The following FRMD4A variants were observed in gnomAD, a reference collection of about 807,000 sequenced individuals.
The protein encoded by FRMD4A is FERM domain containing 4A.
FRMD4A carries 29 observed loss-of-function variants against 129.1 expected under a neutral mutation model. That is an observed-to-expected ratio of 0.22 (90% CI 0.17 to 0.31). The LOEUF is 0.31. Ranked by LOEUF, FRMD4A falls within the 10% of genes least tolerant of loss-of-function variation. The pLI, the probability that FRMD4A is intolerant of heterozygous loss-of-function variation, is 1.00. For missense variants in FRMD4A, 1,272 were observed against 1,375.8 expected, an observed-to-expected ratio of 0.92 and a Z score of 1.19; for synonymous variants, 634 against 571.6, an observed-to-expected ratio of 1.11 and a Z score of -1.56.
chr10:13,963,712 C>A (rs148291044), intron 2 of FRMD4A, among the ~76,000 whole-genome samples: 1 of 152,156 alleles, frequency 6.6e-6, no homozygotes, highest in African/African-American at 2.4e-5. Context: ...ACACACAAAG[C>A]GTTCTACGTA....
chr10:13,923,812 T>A (rs947975813), intron 2 of FRMD4A, among the ~76,000 whole-genome samples: 24 of 152,334 alleles, frequency 1.6e-4, no homozygotes, highest in African/African-American at 4.8e-4. Context: ...CAAAGAAGCA[T>A]GGTTGAGTCT....
At chr10:14,282,248 G>A (rs909385942) in intron 2 of FRMD4A, among the ~76,000 whole-genome samples, 1 of 152,130 alleles carries the variant, frequency 6.6e-6, no homozygotes, top group African/African-American at 2.4e-5. Context: ...TGGAGACACA[G>A]CCAAAGCATA....
intron 5 of FRMD4A, among the ~76,000 whole-genome samples, chr10:13,788,828 G>A (rs980971734): frequency 7.9e-5 from 6 of 76,314 alleles, no homozygotes; most frequent in African/African-American, 1.8e-4. Context: ...GGGGAGTCCC[G>A]TCCCCTTCTT....
intron 2 of FRMD4A, among the ~76,000 whole-genome samples, chr10:14,265,037 C>T (rs552906727): frequency 9.2e-5 from 14 of 152,324 alleles, no homozygotes; most frequent in African/African-American, 3.4e-4. Context: ...AAGCCTCGGC[C>T]TCCCAAAGTG....
intron 2 of FRMD4A, among the ~76,000 whole-genome samples, chr10:14,154,073 C>T (rs951694016): frequency 6.6e-6 from 1 of 152,132 alleles, no homozygotes; most frequent in African/African-American, 2.4e-5. Context: ...CTGTCTTAAA[C>T]CATCTGTGTT....
At chr10:14,162,046 A>G (rs1402856631) in intron 2 of FRMD4A, among the ~76,000 whole-genome samples, 1 of 151,096 alleles carries the variant, frequency 6.6e-6, no homozygotes, top group Non-Finnish European at 1.5e-5. Context: ...ATTTATTTAG[A>G]CAAATAAATC....
chr10:13,865,418 A>ATTTTATTTTATT, intron 2 of FRMD4A, among the ~76,000 whole-genome samples: 1 of 110,628 alleles, frequency 9.0e-6, no homozygotes, highest in Non-Finnish European at 1.6e-5. Flanking sequence ...GTTTTATTTT[A>ATTTTATTTTATT]TTTTATTTTA....
intron 2 of FRMD4A, among the ~76,000 whole-genome samples, chr10:14,256,706 G>C (rs1844625693): frequency 6.6e-6 from 1 of 152,100 alleles, no homozygotes; most frequent in South Asian, 2.1e-4. Flanking sequence ...ATGTGGGCTG[G>C]GTGCAGTGGA....
intron 2 of FRMD4A, among the ~76,000 whole-genome samples, chr10:14,028,684 C>A (rs1833092901): frequency 6.6e-6 from 1 of 152,172 alleles, no homozygotes. Flanking sequence ...GTGATTATGA[C>A]ACATTGCACG....
intron 15 of FRMD4A, chr10:13,684,915 C>G: frequency 1.0e-6 from 1 of 983,460 alleles, no homozygotes; most frequent in East Asian, 1.1e-4. Context: ...CCCAGCAGAT[C>G]AGTAAAAGCT....
chr10:14,185,476 AAC>A (rs1564371096), intron 2 of FRMD4A, among the ~76,000 whole-genome samples: 1 of 152,226 alleles, frequency 6.6e-6, no homozygotes, highest in East Asian at 1.9e-4. Context: ...AAAACATTAC[AAC>A]ATTTTGTAAT....
Position 14,178,781 on chromosome 10 carries a change from G to GA in FRMD4A, c.45+151276dup, listed in dbSNP as rs142308883. Among the ~76,000 whole-genome samples, 470 of 147,220 alleles carry GA rather than the reference G, an allele frequency of 3.2e-3. 1 individual carries two copies. The highest frequency in any genetic ancestry group is 0.01 in the African/African-American group (416 of 40,050). On this transcript the variant is annotated intron_variant, in intron 2 of 24. Transcript: ENST00000357447. ...ACCATCTGGGGTTAACCCAAACTTA[G>GA]AAAAAAAAAAGTCAATAAATATCAA...
At chr10:14,304,530 T>C (rs557327236) in intron 2 of FRMD4A, among the ~76,000 whole-genome samples, 4 of 152,326 alleles carry the variant, frequency 2.6e-5, no homozygotes, top group African/African-American at 7.2e-5. Context: ...ATGCTAGTCT[T>C]AGTCCCAATC....
At chr10:13,766,748 G>C (rs1212984142) in intron 6 of FRMD4A, among the ~76,000 whole-genome samples, 2 of 152,022 alleles carry the variant, frequency 1.3e-5, no homozygotes, top group Non-Finnish European at 2.9e-5. Flanking sequence ...CTAGACTTCC[G>C]GCTTACTCTG....
At chr10:13,653,495 A>C (rs1317844455) in intron 23 of FRMD4A, 2 of 152,266 alleles carry the variant, frequency 1.3e-5, no homozygotes, top group African/African-American at 4.8e-5. Context: ...ACTCCGTCTC[A>C]AAAAAAGGCC....
intron 2 of FRMD4A, among the ~76,000 whole-genome samples, chr10:14,033,612 C>G (rs537326386): frequency 6.6e-6 from 1 of 152,144 alleles, no homozygotes; most frequent in Admixed American, 6.5e-5. Flanking sequence ...AGGCGAAACC[C>G]CATCTCTACT....
rs77283101 is a variant in FRMD4A, at chr10:14,246,199, A to G, written c.45+83859T>C. 3.7e-3 allele frequency among the ~76,000 whole-genome samples: 559 copies of G among 152,342 alleles called. 14 individuals carry two copies. In the South Asian group the frequency reaches 0.059, roughly 16 times the overall value. On this transcript the variant is annotated intron_variant, in intron 2 of 24. Transcript: ENST00000357447. ...GAATCAACCCAGATTTCTCAGGTCC[A>G]ATTAAAGAATTAGGTCTTCAATTTA... is the stretch of plus-strand genomic sequence containing the variant.
At chr10:13,973,099 C>G (rs370048626) in intron 2 of FRMD4A, among the ~76,000 whole-genome samples, 1 of 152,104 alleles carries the variant, frequency 6.6e-6, no homozygotes, top group Admixed American at 6.5e-5. Context: ...TTGATCTGAC[C>G]GATGGAAATA....
intron 16 of FRMD4A, among the ~76,000 whole-genome samples, chr10:13,671,379 G>A (rs1183449113): frequency 1.3e-5 from 2 of 152,066 alleles, no homozygotes; most frequent in Admixed American, 6.6e-5. Flanking sequence ...GCTTGAACCC[G>A]GGAGGCGGAG....
Sources: allele counts gnomAD v4.1 joint callset (sites outside exome capture counted in the v4.1 genomes callset), GRCh38; gene constraint gnomAD v4.1.1; transcripts MANE v1.5; gene names NCBI Gene and HGNC (gene_info 2026-07-23, HGNC 2026-07-21).